Variants in FRAS1 observed in about 807,000 individuals in gnomAD.
FRAS1 encodes extracellular matrix organizing protein FRAS1.
In FRAS1, 290 loss-of-function variants were observed where a neutral mutation model predicts 435.2. The observed-to-expected ratio is 0.67, with a 90% confidence interval of 0.61 to 0.73. FRAS1 has a LOEUF of 0.73. Among genes scored for constraint, FRAS1 ranks in the 30% least tolerant of loss-of-function variants. FRAS1 has a pLI of 0.00. For synonymous variants in FRAS1, 1,800 were observed against 1,851.0 expected (o/e 0.97, Z 0.71); for missense variants, 4,860 against 5,001.5 (o/e 0.97, Z 0.85).
intron 27 of FRAS1, among the ~76,000 whole-genome samples, chr4:78,380,862 C>G (rs754358846): frequency 1.8e-4 from 27 of 152,128 alleles, no homozygotes; most frequent in Non-Finnish European, 4.4e-5. Flanking sequence ...GGCACTGTCT[C>G]TATTGTAATT....
chr4:78,353,862 G>T lies in FRAS1; in HGVS notation c.2423-9651G>T, dbSNP rs1250733314. On this transcript the variant is annotated intron_variant, in intron 20 of 73. Coordinates refer to ENST00000512123, the MANE Select transcript of FRAS1 (RefSeq NM_025074.7). ...GGGGACTGTGGTGGGGTCAGGGGAG[G>T]GGGGAGGGATAGCATTGGGAGATAT... 1.5e-4 allele frequency among the ~76,000 whole-genome samples: 2 copies of T among 12,920 alleles called. 1 individual carries two copies. Among genetic ancestry groups the T allele is most frequent in the Non-Finnish European group, 2.7e-4 (2 of 7,394 alleles). 8.5% of individuals were successfully genotyped at this position (12,920 alleles called of 152,430 possible). A position where few individuals can be genotyped will look rare whatever the true frequency, so the allele number is the denominator to read the frequency against.
At chr4:78,105,720 G>C (rs546297598) in intron 2 of FRAS1, among the ~76,000 whole-genome samples, 4 of 152,170 alleles carry the variant, frequency 2.6e-5, no homozygotes, top group Non-Finnish European at 5.9e-5. Flanking sequence ...TGAATAAATT[G>C]TGAAATGTAA....
chr4:78,483,354 G>A (rs898879654), intron 58 of FRAS1, among the ~76,000 whole-genome samples: 5 of 152,176 alleles, frequency 3.3e-5, no homozygotes, highest in South Asian at 2.1e-4. Context: ...AACAGGAAAG[G>A]ATGGTTACTT....
At chr4:78,514,982 C>T (rs1264551596) in intron 65 of FRAS1, among the ~76,000 whole-genome samples, 2 of 150,970 alleles carry the variant, frequency 1.3e-5, no homozygotes, top group Non-Finnish European at 2.9e-5. Context: ...ACAGGAGAAT[C>T]GCTTGAACCC....
chr4:78,403,770 C>T (rs1220843160), intron 30 of FRAS1, among the ~76,000 whole-genome samples: 1 of 152,204 alleles, frequency 6.6e-6, no homozygotes, highest in Non-Finnish European at 1.5e-5. Flanking sequence ...TGAAAATACA[C>T]TTAAAACACC....
chr4:78,087,634 GACAA>G (rs1741260794), intron 2 of FRAS1, among the ~76,000 whole-genome samples: 1 of 152,054 alleles, frequency 6.6e-6, no homozygotes, highest in Admixed American at 6.6e-5. Flanking sequence ...ACCAATAACA[GACAA>G]ACAGAGAGCC....
chr4:78,060,761 A>G (rs531423094), intron 1 of FRAS1, among the ~76,000 whole-genome samples: 5 of 152,342 alleles, frequency 3.3e-5, no homozygotes, highest in Non-Finnish European at 5.9e-5. Flanking sequence ...TACTTTGGCT[A>G]ATCATCAAAC....
intron 31 of FRAS1, among the ~76,000 whole-genome samples, chr4:78,410,191 T>G (rs1419347902): frequency 2.6e-5 from 4 of 152,224 alleles, no homozygotes. Flanking sequence ...GTTATCAATA[T>G]GGAGCACTTC....
intron 56 of FRAS1, 87 bp downstream of exon 56, chr4:78,479,805 G>A: frequency 9.6e-7 from 1 of 1,042,436 alleles, no homozygotes; most frequent in Non-Finnish European, 1.3e-6. Context: ...GAATATCCGG[G>A]AGACATTGAG....
intron 70 of FRAS1, among the ~76,000 whole-genome samples, chr4:78,533,188 A>G (rs899161055): frequency 6.6e-6 from 1 of 152,178 alleles, no homozygotes; most frequent in Non-Finnish European, 1.5e-5. Flanking sequence ...ACCTTTTAGC[A>G]TGCTATATTA....
At chr4:78,213,892 C>T (rs972942310) in intron 2 of FRAS1, among the ~76,000 whole-genome samples, 2 of 152,172 alleles carry the variant, frequency 1.3e-5, no homozygotes. Context: ...AAGTAGGGTG[C>T]TTTTTCAAGT....
chr4:78,184,523 C>T (rs924337259), intron 2 of FRAS1, among the ~76,000 whole-genome samples: 6 of 152,202 alleles, frequency 3.9e-5, no homozygotes, highest in Non-Finnish European at 7.3e-5. Context: ...GTCTGTCAGA[C>T]CTTGATCTAT....
At chr4:78,060,765 A>T (rs2055493) in intron 1 of FRAS1, among the ~76,000 whole-genome samples, 1 of 152,138 alleles carries the variant, frequency 6.6e-6, no homozygotes, top group Non-Finnish European at 1.5e-5. Context: ...TTGGCTAATC[A>T]TCAAACATAG....
chr4:78,145,395 GGTT>G (rs1720375130), intron 2 of FRAS1, among the ~76,000 whole-genome samples: 1 of 151,946 alleles, frequency 6.6e-6, no homozygotes, highest in Non-Finnish European at 1.5e-5. Flanking sequence ...GTGGAAGCAT[GGTT>G]GTTGTTTTTC....
At chr4:78,315,437 C>T (rs1041369340) in intron 15 of FRAS1, among the ~76,000 whole-genome samples, 157 bp from the exon 16 acceptor site, 1 of 152,046 alleles carries the variant, frequency 6.6e-6, no homozygotes, top group South Asian at 2.1e-4. Context: ...GCACAGAGTC[C>T]GATGAAATGT....
At chr4:78,205,142 A>G (rs1242042240) in intron 2 of FRAS1, among the ~76,000 whole-genome samples, 2 of 151,946 alleles carry the variant, frequency 1.3e-5, no homozygotes, top group Non-Finnish European at 2.9e-5. Flanking sequence ...AAGAGCAGTT[A>G]AAAGGGTGGT....
intron 2 of FRAS1, among the ~76,000 whole-genome samples, chr4:78,201,965 G>A (rs889023114): frequency 3.1e-4 from 47 of 152,260 alleles, no homozygotes; most frequent in African/African-American, 1.1e-3. Flanking sequence ...AGGGTCTCAA[G>A]CAGGGATAGA....
intron 49 of FRAS1, among the ~76,000 whole-genome samples, chr4:78,465,954 TC>T (rs1437971862): frequency 6.6e-6 from 1 of 152,142 alleles, no homozygotes; most frequent in Non-Finnish European, 1.5e-5. Flanking sequence ...ATTCAGGCTT[TC>T]CCCCATGACC....
At chr4:78,364,124 GCGAGGT>G in intron 22 of FRAS1, 70 bp downstream of exon 22, 1 of 1,488,418 alleles carries the variant, frequency 6.7e-7, no homozygotes, top group Non-Finnish European at 9.1e-7. Flanking sequence ...TGAAAGAAAT[GCGAGGT>G]TCTTACTTCC....
Sources: allele counts gnomAD v4.1 joint callset (sites outside exome capture counted in the v4.1 genomes callset), GRCh38; gene constraint gnomAD v4.1.1; transcripts MANE v1.5; gene names NCBI Gene and HGNC (gene_info 2026-07-23, HGNC 2026-07-21).